The following PCDHAC2 variants were observed in gnomAD, a reference collection of about 807,000 sequenced individuals.
PCDHAC2 encodes protocadherin alpha-C2.
PCDHAC2 carries 24 observed loss-of-function variants against 63.3 expected under a neutral mutation model. The observed-to-expected ratio is 0.38, with a 90% CI of 0.27 to 0.53. The LOEUF (loss-of-function observed/expected upper bound fraction) is 0.53, where lower values mean the gene tolerates loss of function less well. PCDHAC2 is among the 20% of genes least tolerant of loss of function. The pLI, the probability that PCDHAC2 is intolerant of heterozygous loss-of-function variation, is 0.81. For missense variants in PCDHAC2, 1,181 were observed against 1,275.2 expected, an observed-to-expected ratio of 0.93 and a Z score of 1.12; for synonymous variants, 569 against 529.4, an observed-to-expected ratio of 1.07 and a Z score of -1.03.
intron 3 of PCDHAC2, among the ~76,000 whole-genome samples, chr5:140,986,365 C>T (rs530102099): frequency 2.0e-5 from 3 of 152,194 alleles, no homozygotes; most frequent in Non-Finnish European, 2.9e-5. Flanking sequence ...TGGAGGAATG[C>T]GTTTTGGGGG....
intron 3 of PCDHAC2, among the ~76,000 whole-genome samples, chr5:140,986,619 C>T (rs1212565136): frequency 6.6e-6 from 1 of 152,134 alleles, no homozygotes; most frequent in Non-Finnish European, 1.5e-5. Flanking sequence ...CAGGCCTTAC[C>T]TAAGGCAACA....
Position 140,968,444 on chromosome 5 carries a change from A to G in PCDHAC2, c.1678A>G (p.Ser560Gly), listed in dbSNP as rs781941315. The G allele has an allele frequency of 6.2e-7, 1 of 1,614,048 alleles. No individual in the cohort carries two copies. Among genetic ancestry groups the G allele is most frequent in the South Asian group, 1.1e-5 (1 of 91,080 alleles). ...EAQDKGSPPL[S>G]STVTANVYVV... is the part of the protein sequence containing the mutation. ...TCAGGACAAGGGGAGCCCACCACTG[A>G]GCAGCACTGTGACTGCCAACGTATA... Residue 560 changes from serine (S) to glycine (G), a missense_variant, in exon 1 of 4, where the codon AGC becomes GGC. Ser to Gly is a moderately conservative substitution (Grantham distance 56, BLOSUM62 0). Around this residue, in one of 3 missense-constraint regions of PCDHAC2, gnomAD observed 968 missense variants for 1,073.5 expected, o/e 0.90. Coordinates refer to ENST00000289269, the MANE Select transcript of PCDHAC2 (RefSeq NM_018899.6).
At chr5:140,984,471 A>G (rs2153834399) in intron 3 of PCDHAC2, among the ~76,000 whole-genome samples, 1 of 152,300 alleles carries the variant, frequency 6.6e-6, no homozygotes, top group Middle Eastern at 3.4e-3. Context: ...CCCCTCTTGT[A>G]TAACCCATTT....
At chr5:140,991,417 C>G (rs782178829) in intron 3 of PCDHAC2, among the ~76,000 whole-genome samples, 79 of 152,196 alleles carry the variant, frequency 5.2e-4, no homozygotes, top group Admixed American at 1.5e-3. Context: ...TATGCTATAA[C>G]AAATTAACCA....
chr5:140,974,043 TATG>T (rs1554235772), intron 1 of PCDHAC2, among the ~76,000 whole-genome samples: 1 of 152,238 alleles, frequency 6.6e-6, no homozygotes, highest in Non-Finnish European at 1.5e-5. Flanking sequence ...AGCTTATTAA[TATG>T]ATAATATTTG....
At chr5:140,988,043 A>G (rs2153870251) in intron 3 of PCDHAC2, among the ~76,000 whole-genome samples, 1 of 152,336 alleles carries the variant, frequency 6.6e-6, no homozygotes, top group Non-Finnish European at 1.5e-5. Context: ...GAATCTGTTT[A>G]GGAGCACTGT....
chr5:141,000,948 G>C (rs1032144041), intron 3 of PCDHAC2, among the ~76,000 whole-genome samples: 3 of 151,774 alleles, frequency 2.0e-5, no homozygotes, highest in Non-Finnish European at 1.5e-5. Flanking sequence ...AAATTATCTT[G>C]CTGTAATTTA....
intron 2 of PCDHAC2, among the ~76,000 whole-genome samples, chr5:140,980,115 G>A (rs1263722649): frequency 6.6e-6 from 1 of 152,142 alleles, no homozygotes; most frequent in African/African-American, 2.4e-5. Flanking sequence ...ATTGGAACCT[G>A]GGTCATAATT....
chr5:140,967,858 G>C lies in PCDHAC2; in HGVS notation c.1092G>C (p.Glu364Asp), dbSNP rs2096190865. ...DIVDVNDNAP[E>D]VVLTDLYSPV... ...TGGACGTGAATGACAATGCCCCAGA[G>C]GTGGTGCTCACGGACCTGTATAGCC... The change falls in exon 1 of 4, where the codon GAG becomes GAC. Residue 364 changes from glutamate to aspartate, a missense_variant. Glu to Asp is a conservative substitution (Grantham distance 45). Coordinates refer to ENST00000289269, the MANE Select transcript of PCDHAC2 (RefSeq NM_018899.6). 6 of 1,614,166 alleles carry C rather than the reference G, an allele frequency of 3.7e-6. No homozygotes were observed. The East Asian group carries it at 1.3e-4, about 36-fold the overall frequency.
In PCDHAC2 at chr5:141,010,121, T is replaced by C; in HGVS notation, c.*184T>C. The C allele has an allele frequency of 1.2e-6, 2 of 1,606,996 alleles. No homozygotes were observed. The highest frequency in any genetic ancestry group is 1.7e-6 in the Non-Finnish European group (2 of 1,176,140). On this transcript the variant is annotated 3_prime_UTR_variant, in exon 4 of 4. Transcript: ENST00000289269. ...ACAGGTTTTGTCGTAAAAGCTTTAC[T>C]AAGTCTGGTGTTAACTCTTTCTCTC... is the stretch of plus-strand genomic sequence containing the variant.
Position 140,967,285 on chromosome 5 carries a change from G to A in PCDHAC2, c.519G>A (p.Gln173=), listed in dbSNP as rs150694611. 1.9e-6 allele frequency: 3 copies of A among 1,613,058 alleles called. No individual in the cohort carries two copies. Among genetic ancestry groups the A allele is most frequent in the East Asian group, 2.2e-5 (1 of 44,852 alleles). The change falls in exon 1 of 4, where the codon CAG becomes CAA. Residue 173 remains glutamine (Q), a synonymous_variant. Coordinates refer to ENST00000289269, the MANE Select transcript of PCDHAC2 (RefSeq NM_018899.6). ...PGARFHIESA[Q]DPDVGANSVQ... ...CGCGCTTTCACATAGAGAGTGCGCAGGACCCCGACGTGGGCGCCAACTCAG... is the reference window on the plus strand; with the variant it reads ...CGCGCTTTCACATAGAGAGTGCGCAAGACCCCGACGTGGGCGCCAACTCAG...
intron 2 of PCDHAC2, among the ~76,000 whole-genome samples, chr5:140,981,613 G>C (rs1279038280): frequency 6.6e-6 from 1 of 152,056 alleles, no homozygotes; most frequent in Non-Finnish European, 1.5e-5. Flanking sequence ...CTCTAATTTT[G>C]ATGAGGGTTT....
In PCDHAC2 at chr5:140,995,948, C is replaced by T. The variant is rs143431693; in HGVS notation, c.2713+13385C>T. Among the ~76,000 whole-genome samples the T allele has an allele frequency of 4.7e-3, 711 of 152,264 alleles. 7 individuals carry two copies. The highest frequency in any genetic ancestry group is 0.016 in the African/African-American group (645 of 41,554). ...TGTAAGTATTAAATGACATAATGCA[C>T]GCAAAATGCTTAGAACCATGCTTAG... On this transcript the variant is annotated intron_variant, in intron 3 of 3. Transcript: ENST00000289269.
At position 140,967,061 on chromosome 5, in the gene PCDHAC2, C is replaced by G. The variant is rs1554229125; in HGVS notation, c.295C>G (p.Leu99Val). The G allele has an allele frequency of 1.9e-6, 3 of 1,612,886 alleles. No individual in the cohort carries two copies. The Admixed American group carries it at 5.0e-5, about 27-fold the overall frequency. The change falls in exon 1 of 4, where the codon CTC becomes GTC. Residue 99 changes from leucine to valine, a missense_variant. Coordinates refer to ENST00000289269, the MANE Select transcript of PCDHAC2 (RefSeq NM_018899.6). ...GGAGCTGGACCTGACGAGTGGAGCG[C>G]TCTTCGTCAACGAGCGCATTGATCG... ...YLELDLTSGALFVNERIDREA... is the reference protein window; with the variant it reads ...YLELDLTSGAVFVNERIDREA...
chr5:140,995,899 A>G (rs900121248), intron 3 of PCDHAC2, among the ~76,000 whole-genome samples: 2 of 152,226 alleles, frequency 1.3e-5, no homozygotes, highest in Non-Finnish European at 2.9e-5. Context: ...ATCAATGTAT[A>G]AAAGAGGAGA....
chr5:140,986,461 C>T (rs1554248079), intron 3 of PCDHAC2, among the ~76,000 whole-genome samples: 1 of 152,154 alleles, frequency 6.6e-6, no homozygotes. Context: ...TTAATGAATG[C>T]CCTCTTGTGA....
At chr5:140,997,572 G>T (rs1457109655) in intron 3 of PCDHAC2, among the ~76,000 whole-genome samples, 1 of 152,068 alleles carries the variant, frequency 6.6e-6, no homozygotes, top group Non-Finnish European at 1.5e-5. Context: ...CATATGTGTG[G>T]TCCGTTGTTG....
chr5:141,000,417 A>ATTTT (rs1563652061), intron 3 of PCDHAC2, among the ~76,000 whole-genome samples: 4 of 77,746 alleles, frequency 5.1e-5, no homozygotes, highest in African/African-American at 1.1e-4. Flanking sequence ...ATATATATAT[A>ATTTT]TATATTTTTT....
chr5:140,977,314 C>T (rs905353961), intron 1 of PCDHAC2, among the ~76,000 whole-genome samples: 1 of 152,152 alleles, frequency 6.6e-6, no homozygotes, highest in Non-Finnish European at 1.5e-5. Context: ...AACGATAGTG[C>T]TCCTGATGGC....
Sources: gnomAD v4.1 joint callset for allele counts (sites outside exome capture counted in the v4.1 genomes callset) on GRCh38, gnomAD v4.1.1 for gene constraint, gnomAD v4.1.1 regional missense constraint, MANE v1.5 for transcripts, NCBI Gene and HGNC (gene_info 2026-07-23, HGNC 2026-07-21) for gene names.